Variants in ACYP2 observed in about 807,000 individuals in gnomAD.
The protein encoded by ACYP2 is acylphosphatase-2.
In ACYP2, 12 loss-of-function variants were observed where a neutral mutation model predicts 11.2. That is an observed-to-expected ratio of 1.08 (90% CI 0.69 to 1.74). The LOEUF (loss-of-function observed/expected upper bound fraction) is 1.74. Ranked by LOEUF, ACYP2 falls within the 40% of genes most tolerant of loss-of-function variation. ACYP2 has a pLI of 0.00. For synonymous variants in ACYP2, 43 were observed against 32.2 expected, an observed-to-expected ratio of 1.33 and a Z score of -1.13; for missense variants, 134 against 101.9, an observed-to-expected ratio of 1.31 and a Z score of -1.35.
intron 6 of ACYP2, among the ~76,000 whole-genome samples, chr2:54,211,871 A>G (rs1054149230): frequency 2.0e-5 from 3 of 152,116 alleles, no homozygotes; most frequent in African/African-American, 7.2e-5. Flanking sequence ...GCAAACTTGT[A>G]TGCTTCATGA....
chr2:54,214,615 C>G (rs77487596), intron 6 of ACYP2, among the ~76,000 whole-genome samples: 1,940 of 152,240 alleles, frequency 0.013, 39 homozygotes, highest in African/African-American at 0.042. Flanking sequence ...GTTTTTGTAC[C>G]AGTATAGCAC....
chr2:54,304,324 T>C (rs371335637), intron 6 of ACYP2, among the ~76,000 whole-genome samples: 71 of 151,810 alleles, frequency 4.7e-4, no homozygotes, highest in African/African-American at 1.7e-3. Flanking sequence ...GAGGAAACAA[T>C]AGTGAATTGT....
chr2:54,072,497 TTCTC>T (rs757857621), intron 4 of ACYP2, among the ~76,000 whole-genome samples: 18,750 of 103,820 alleles, frequency 0.18, 1,256 homozygotes, highest in Non-Finnish European at 0.19. Context: ...TTTTCTTTCT[TTCTC>T]TCTCTCTCTC....
chr2:54,046,754 C>T (rs1675546296), intron 2 of ACYP2, among the ~76,000 whole-genome samples: 1 of 152,156 alleles, frequency 6.6e-6, no homozygotes, highest in African/African-American at 2.4e-5. Flanking sequence ...TTCAATGCCT[C>T]ACTATTACCA....
chr2:54,296,243 C>CT (rs1030244857), intron 6 of ACYP2, among the ~76,000 whole-genome samples: 7 of 152,304 alleles, frequency 4.6e-5, no homozygotes, highest in African/African-American at 1.7e-4. Context: ...CAGCAGAAAG[C>CT]TAAGTGCATT....
At chr2:54,090,509 G>A (rs149071508) in intron 4 of ACYP2, among the ~76,000 whole-genome samples, 44 of 152,206 alleles carry the variant, frequency 2.9e-4, no homozygotes, top group Non-Finnish European at 3.4e-4. Context: ...CGTGCGCCTG[G>A]ATTCCCAGCT....
chr2:54,296,229 A>G (rs1689518231), intron 6 of ACYP2, among the ~76,000 whole-genome samples: 1 of 152,232 alleles, frequency 6.6e-6, no homozygotes, highest in Non-Finnish European at 1.5e-5. Flanking sequence ...AGGAGGCCCT[A>G]GAACAGCAGA....
chr2:54,227,273 C>G (rs1686048156), intron 6 of ACYP2, among the ~76,000 whole-genome samples: 1 of 152,106 alleles, frequency 6.6e-6, no homozygotes, highest in African/African-American at 2.4e-5. Flanking sequence ...GATTCTTATT[C>G]GAGTCTTATT....
chr2:54,031,214 G>A (rs1350302915), intron 2 of ACYP2, among the ~76,000 whole-genome samples: 1 of 151,950 alleles, frequency 6.6e-6, no homozygotes, highest in Non-Finnish European at 1.5e-5. Flanking sequence ...CCATGTTGGT[G>A]TGCTGCACCC....
chr2:54,067,247 C>T (rs1465602470), intron 4 of ACYP2, among the ~76,000 whole-genome samples: 2 of 152,182 alleles, frequency 1.3e-5, no homozygotes, highest in Non-Finnish European at 2.9e-5. Flanking sequence ...ACAACAGTGT[C>T]AGCCATCATA....
chr2:54,041,910 C>T (rs1675251396), intron 2 of ACYP2, among the ~76,000 whole-genome samples: 1 of 152,206 alleles, frequency 6.6e-6, no homozygotes. Context: ...CCCGCCTCAG[C>T]CTCCCAAGTT....
chr2:54,272,238 A>G (rs911205629), intron 6 of ACYP2, among the ~76,000 whole-genome samples: 19 of 152,160 alleles, frequency 1.2e-4, no homozygotes, highest in Admixed American at 1.3e-4. Flanking sequence ...TAAAAAATGG[A>G]ACACTGAGGG....
At chr2:53,985,195 G>A (rs549415814) in intron 2 of ACYP2, among the ~76,000 whole-genome samples, 15 of 150,536 alleles carry the variant, frequency 1.0e-4, no homozygotes, top group African/African-American at 3.2e-4. Context: ...TCAGCCTCCC[G>A]AGTAGCTGGA....
At chr2:53,995,458 A>G (rs904929553) in intron 2 of ACYP2, among the ~76,000 whole-genome samples, 4 of 150,502 alleles carry the variant, frequency 2.7e-5, no homozygotes, top group Non-Finnish European at 4.4e-5. Flanking sequence ...AATTAATTCA[A>G]TGCTATTATT....
intron 6 of ACYP2, among the ~76,000 whole-genome samples, chr2:54,257,797 C>A (rs1687621890): frequency 1.3e-5 from 2 of 152,036 alleles, no homozygotes; most frequent in Admixed American, 6.6e-5. Context: ...TATATGGCTT[C>A]ATAGAAATGT....
chr2:54,080,498 CT>C, intron 4 of ACYP2: 1 of 151,822 alleles, frequency 6.6e-6, no homozygotes, highest in Non-Finnish European at 1.5e-5. Flanking sequence ...TTTTCTTTTT[CT>C]TTTTTTGAGA....
intron 4 of ACYP2, among the ~76,000 whole-genome samples, chr2:54,078,160 TG>T (rs1416079596): frequency 1.3e-5 from 2 of 151,918 alleles, no homozygotes; most frequent in Non-Finnish European, 2.9e-5. Flanking sequence ...TTGGCCAGGC[TG>T]GTTTCAAACT....
chr2:54,102,500 A>T (rs1200994536), intron 4 of ACYP2, among the ~76,000 whole-genome samples: 1 of 152,046 alleles, frequency 6.6e-6, no homozygotes, highest in African/African-American at 2.4e-5. Context: ...GCATGGTTGC[A>T]AGGAGGTCTA....
chr2:54,292,386 A>G (rs1689347533), intron 6 of ACYP2, among the ~76,000 whole-genome samples: 1 of 152,214 alleles, frequency 6.6e-6, no homozygotes, highest in Admixed American at 6.5e-5. Context: ...ACCAGATTTC[A>G]AAGACTCGAT....
Sources: gnomAD v4.1 joint callset for allele counts (sites outside exome capture counted in the v4.1 genomes callset) on GRCh38, gnomAD v4.1.1 for gene constraint, MANE v1.5 for transcripts, NCBI Gene and HGNC (gene_info 2026-07-23, HGNC 2026-07-21) for gene names.